The following SUPT16H variants were observed in gnomAD, a reference collection of about 807,000 sequenced individuals.
SUPT16H encodes FACT complex subunit SPT16.
Under a neutral mutation model 136.2 loss-of-function variants are expected in SUPT16H, and 24 were observed. That is an observed-to-expected ratio of 0.18 (90% CI 0.13 to 0.25). SUPT16H has a LOEUF of 0.25. Ranked by LOEUF, SUPT16H falls within the 10% of genes least tolerant of loss-of-function variation. The probability of loss-of-function intolerance (pLI) is 1.00; values close to 1 mark genes in which losing one functional copy is unlikely to be tolerated. For missense variants in SUPT16H, 623 were observed against 1,270.2 expected, an observed-to-expected ratio of 0.49 and a Z score of 7.74; for synonymous variants, 415 against 428.2, an observed-to-expected ratio of 0.97 and a Z score of 0.38.
intron 6 of SUPT16H, 105 bp from the exon 7 acceptor site, chr14:21,368,546 C>T: frequency 1.6e-6 from 2 of 1,269,182 alleles, no homozygotes; most frequent in Non-Finnish European, 2.1e-6. Context: ...CTGCCATATC[C>T]CAAAGCTGTG....
Position 21,361,096 on chromosome 14 carries a change from A to C in SUPT16H, c.1911T>G (p.Ala637=), listed in dbSNP as rs1021458426. 1.2e-6 allele frequency: 2 copies of C among 1,614,016 alleles called. No individual in the cohort carries two copies. Among genetic ancestry groups the C allele is most frequent in the Non-Finnish European group, 1.7e-6 (2 of 1,180,014 alleles). ...EVQKRYKTRE[A]EEKEKEGIVK... is the part of the protein sequence containing the mutation. ...GGCTCACCTCCTTCTCTTTCTCTTCAGCTTCTCGAGTTTTATAACGTTTCT... is the reference window on the plus strand; with the variant it reads ...GGCTCACCTCCTTCTCTTTCTCTTCCGCTTCTCGAGTTTTATAACGTTTCT... The change falls in exon 16 of 26, where the codon GCT becomes GCG. Residue 637 remains alanine, a synonymous_variant. Coordinates refer to ENST00000216297, the MANE Select transcript of SUPT16H (RefSeq NM_007192.4).
intron 1 of SUPT16H, among the ~76,000 whole-genome samples, chr14:21,381,933 C>A (rs1293385131): frequency 6.6e-6 from 1 of 152,006 alleles, no homozygotes; most frequent in Non-Finnish European, 1.5e-5. Flanking sequence ...TATTCTATTT[C>A]AATCCCAGTT....
intron 1 of SUPT16H, among the ~76,000 whole-genome samples, chr14:21,381,012 A>C (rs139217854): frequency 1.1e-4 from 17 of 152,044 alleles, no homozygotes; most frequent in African/African-American, 3.9e-4. Flanking sequence ...CGATATTCTA[A>C]TAATACAGAG....
chr14:21,366,619 C>A (rs1320443056), intron 7 of SUPT16H, 90 bp from the exon 8 acceptor site: 20 of 1,229,166 alleles, frequency 1.6e-5, no homozygotes, highest in Non-Finnish European at 2.1e-5. Context: ...TCCCCTAAAG[C>A]AGTGTTTCTC....
intron 1 of SUPT16H, 110 bp from the exon 2 acceptor site, chr14:21,373,540 G>A: frequency 1.2e-6 from 1 of 857,962 alleles, no homozygotes; most frequent in Non-Finnish European, 2.0e-6. Flanking sequence ...GAAATTTCAA[G>A]TTTAAGGTAC....
Position 21,370,413 on chromosome 14 carries a change from C to T in SUPT16H, c.406G>A (p.Val136Met). 2 of 1,613,992 alleles carry T rather than the reference C, an allele frequency of 1.2e-6. No individual in the cohort carries two copies. Among genetic ancestry groups the T allele is most frequent in the Non-Finnish European group, 1.7e-6 (2 of 1,179,998 alleles). Residue 136 changes from valine to methionine, a missense_variant, in exon 4 of 26, where the codon GTG (valine) becomes ATG (methionine). This residue lies in a region of SUPT16H where 343 missense variants were observed against 525.7 expected (regional missense o/e 0.65). Transcript: ENST00000216297. ...KESKNGKKIG[V>M]FSKDKFPGEF... ...CCAGGGAATTTGTCTTTGCTGAACA[C>T]TCCAATCTTCTTGCCATTCTTGCTT...
intron 15 of SUPT16H, 26 bp from the exon 16 acceptor site, chr14:21,361,239 G>A (rs769915169): frequency 3.1e-6 from 5 of 1,603,376 alleles, no homozygotes; most frequent in Admixed American, 1.7e-5. Context: ...AGCATTTATA[G>A]ACATTTCTTT....
At chr14:21,369,169 C>A in intron 6 of SUPT16H, 35 bp downstream of exon 6, 1 of 1,578,782 alleles carries the variant, frequency 6.3e-7, no homozygotes, top group South Asian at 1.2e-5. Flanking sequence ...AGGCTAAAGT[C>A]AAAATGCTAT....
chr14:21,377,076 G>GAAAAAAAA (rs11323425), intron 1 of SUPT16H, among the ~76,000 whole-genome samples: 41 of 110,764 alleles, frequency 3.7e-4, no homozygotes, highest in Non-Finnish European at 4.7e-4. Context: ...GAAAGAAAAA[G>GAAAAAAAA]AAAAAAAAAA....
intron 1 of SUPT16H, among the ~76,000 whole-genome samples, chr14:21,374,624 C>G (rs536549161): frequency 3.3e-5 from 5 of 152,168 alleles, no homozygotes; most frequent in African/African-American, 7.2e-5. Flanking sequence ...CACTTGTTTT[C>G]AAGGCTCATC....
intron 1 of SUPT16H, 98 bp downstream of exon 1, chr14:21,383,764 G>A (rs756835057): frequency 7.1e-7 from 1 of 1,411,002 alleles, no homozygotes; most frequent in Non-Finnish European, 1.0e-6. Flanking sequence ...CAGAACCCGG[G>A]AATTCCTGAC....
At chr14:21,354,320 G>A in intron 23 of SUPT16H, 91 bp downstream of exon 23, 1 of 1,462,996 alleles carries the variant, frequency 6.8e-7, no homozygotes, top group South Asian at 1.5e-5. Flanking sequence ...AGATGGCCTA[G>A]TCCCTTATGT....
At chr14:21,377,285 T>G (rs1439573479) in intron 1 of SUPT16H, among the ~76,000 whole-genome samples, 1 of 152,148 alleles carries the variant, frequency 6.6e-6, no homozygotes, top group Non-Finnish European at 1.5e-5. Flanking sequence ...CACATTGCTG[T>G]GCAATTTCAA....
intron 18 of SUPT16H, 31 bp from the exon 19 acceptor site, chr14:21,359,640 G>A (rs1480347972): frequency 1.9e-6 from 3 of 1,607,432 alleles, no homozygotes; most frequent in Non-Finnish European, 2.5e-6. Context: ...GAACACAGAA[G>A]TCAGAAACAC....
Position 21,373,367 on chromosome 14 carries a change from TTTC to T in SUPT16H, c.127_129del (p.Glu43del), listed in dbSNP as rs1380219337. ...AAGGCAGTTGATTTGGCATAAACAA[TTTC>T]TTCATCAACACCCACTGATACAACA... On this transcript the variant is annotated inframe_deletion, in exon 2 of 26. Coordinates refer to ENST00000216297, the MANE Select transcript of SUPT16H (RefSeq NM_007192.4). 1.2e-6 allele frequency: 2 copies of T among 1,614,030 alleles called. No homozygotes were observed.
At chr14:21,383,591 G>C (rs1345638245) in intron 1 of SUPT16H, 1 of 700,362 alleles carries the variant, frequency 1.4e-6, no homozygotes, top group Admixed American at 2.0e-5. Context: ...CTTCTAGGGC[G>C]GGAAGAGACT....
At chr14:21,371,477 C>T (rs1886784403) in intron 3 of SUPT16H, among the ~76,000 whole-genome samples, 1 of 152,104 alleles carries the variant, frequency 6.6e-6, no homozygotes, top group Admixed American at 6.6e-5. Flanking sequence ...GAACAATATT[C>T]TGAGAAAACA....
rs903360655 is a variant in SUPT16H, at chr14:21,351,769, C to G, written c.*904G>C. On this transcript the variant is annotated 3_prime_UTR_variant, in exon 26 of 26. Coordinates refer to ENST00000216297, the MANE Select transcript of SUPT16H (RefSeq NM_007192.4). ...TGCAAGACAAAGTTAAAATAAGGAG[C>G]AGCAGTGCCGAGAGGCTGTGTTGTA... The G allele has an allele frequency of 6.5e-6, 1 of 152,978 alleles. No individual in the cohort carries two copies. Among genetic ancestry groups the G allele is most frequent in the African/African-American group, 2.4e-5 (1 of 41,454 alleles). 9.5% of individuals were successfully genotyped at this position (152,978 alleles called of 1,614,324 possible). A position where few individuals can be genotyped will look rare whatever the true frequency, so the allele number is the denominator to read the frequency against.
At chr14:21,368,566 G>T in intron 6 of SUPT16H, 125 bp from the exon 7 acceptor site, 1 of 1,080,602 alleles carries the variant, frequency 9.3e-7, no homozygotes. Context: ...GGCTGAATAA[G>T]GACCTAAACT....
Sources: gnomAD v4.1 joint callset for allele counts (sites outside exome capture counted in the v4.1 genomes callset) on GRCh38, gnomAD v4.1.1 for gene constraint, gnomAD v4.1.1 regional missense constraint, MANE v1.5 for transcripts, NCBI Gene and HGNC (gene_info 2026-07-23, HGNC 2026-07-21) for gene names.